The following STXBP5L variants were observed in gnomAD, a reference collection of about 807,000 sequenced individuals.
STXBP5L encodes the protein syntaxin-binding protein 5-like.
STXBP5L carries 65 observed loss-of-function variants against 144.5 expected under a neutral mutation model. The observed-to-expected ratio is 0.45, with a 90% confidence interval of 0.37 to 0.55. STXBP5L has a LOEUF of 0.55. Among genes scored for constraint, STXBP5L ranks in the 20% least tolerant of loss-of-function variants. The pLI, the probability that STXBP5L is intolerant of heterozygous loss-of-function variation, is 0.00. For missense variants in STXBP5L, 1,298 were observed against 1,405.5 expected (o/e 0.92, Z 1.22); for synonymous variants, 505 against 469.6 (o/e 1.08, Z -0.97).
rs72968066 is a variant in STXBP5L at position 121,300,715 on chromosome 3, G to A, written c.2111-17760G>A. ...TTATTTTCTCAAAAGACAGAAAAGA[G>A]TAACAGTAAACAAACAAAAAAAAGA... On this transcript the variant is annotated intron_variant, in intron 19 of 26. Transcript: ENST00000471454. Among the ~76,000 whole-genome samples, 1,251 of 151,728 alleles carry A rather than the reference G, an allele frequency of 8.2e-3. 11 individuals carry two copies. Among genetic ancestry groups the A allele is most frequent in the African/African-American group, 0.029 (1,206 of 41,392 alleles).
intron 20 of STXBP5L, among the ~76,000 whole-genome samples, chr3:121,361,473 T>C (rs1269402034): frequency 6.6e-6 from 1 of 152,104 alleles, no homozygotes; most frequent in Non-Finnish European, 1.5e-5. Flanking sequence ...TGCTTCATTC[T>C]TTTTTATTCT....
intron 2 of STXBP5L, among the ~76,000 whole-genome samples, chr3:120,913,817 T>C (rs1708974465): frequency 6.6e-6 from 1 of 152,072 alleles, no homozygotes; most frequent in African/African-American, 2.4e-5. Flanking sequence ...CTGTATCATC[T>C]ATGTATAGAA....
At chr3:121,291,627 T>C (rs932836862) in intron 19 of STXBP5L, among the ~76,000 whole-genome samples, 7 of 152,134 alleles carry the variant, frequency 4.6e-5, no homozygotes, top group Admixed American at 6.6e-5. Flanking sequence ...AGAAAAAATC[T>C]GGAGGCATCA....
At chr3:121,082,705 T>C (rs2042309400) in intron 5 of STXBP5L, among the ~76,000 whole-genome samples, 1 of 152,224 alleles carries the variant, frequency 6.6e-6, no homozygotes, top group Admixed American at 6.5e-5. Flanking sequence ...AATCCTGTTT[T>C]TGAGGTTTAT....
chr3:121,418,301 C>T, intron 25 of STXBP5L, 36 bp from the exon 26 acceptor site: 1 of 1,582,992 alleles, frequency 6.3e-7, no homozygotes, highest in South Asian at 1.2e-5. Flanking sequence ...GAATTACTGA[C>T]AAAATGTTTT....
chr3:121,077,639 C>A (rs1165147486), intron 5 of STXBP5L, among the ~76,000 whole-genome samples: 2 of 152,148 alleles, frequency 1.3e-5, no homozygotes, highest in Non-Finnish European at 2.9e-5. Context: ...ACTGGCCCCA[C>A]CCACATCCTG....
At chr3:121,136,540 C>A (rs959743151) in intron 7 of STXBP5L, among the ~76,000 whole-genome samples, 1 of 152,202 alleles carries the variant, frequency 6.6e-6, no homozygotes, top group African/African-American at 2.4e-5. Flanking sequence ...CATCTCACAC[C>A]AGTGAGAATG....
chr3:121,312,535 T>C (rs1268356224), intron 19 of STXBP5L, among the ~76,000 whole-genome samples: 1 of 129,162 alleles, frequency 7.7e-6, no homozygotes, highest in Non-Finnish European at 1.6e-5. Context: ...CATAGGACAA[T>C]AGTGGAGGGA....
At chr3:121,279,422 C>A (rs2050981593) in intron 18 of STXBP5L, among the ~76,000 whole-genome samples, 1 of 151,852 alleles carries the variant, frequency 6.6e-6, no homozygotes, top group African/African-American at 2.4e-5. Flanking sequence ...AAAAAGGCAT[C>A]TAATTACATA....
At chr3:121,214,431 GA>G (rs1216852756) in intron 10 of STXBP5L, among the ~76,000 whole-genome samples, 1 of 152,074 alleles carries the variant, frequency 6.6e-6, no homozygotes, top group African/African-American at 2.4e-5. Flanking sequence ...TGGTTTCAAG[GA>G]AATTATTTAT....
intron 7 of STXBP5L, among the ~76,000 whole-genome samples, chr3:121,126,982 A>G (rs952753387): frequency 1.3e-5 from 2 of 152,272 alleles, no homozygotes; most frequent in Middle Eastern, 3.4e-3. Context: ...CTTCACTTTT[A>G]TAAAATATTT....
At chr3:121,021,128 T>C (rs1287882608) in intron 3 of STXBP5L, among the ~76,000 whole-genome samples, 1 of 151,846 alleles carries the variant, frequency 6.6e-6, no homozygotes, top group African/African-American at 2.4e-5. Flanking sequence ...TATTTTTTAA[T>C]ATCAGACAAA....
rs1210170957 is a variant in STXBP5L at position 121,378,758 on chromosome 3, G to A, written c.2219G>A (p.Cys740Tyr). The A allele has an allele frequency of 1.6e-5, 26 of 1,613,556 alleles. No individual in the cohort carries two copies. Among genetic ancestry groups the A allele is most frequent in the Non-Finnish European group, 2.0e-5 (24 of 1,179,804 alleles). Residue 740 changes from cysteine to tyrosine, a missense_variant, in exon 21 of 27, where the codon TGC becomes TAC. Transcript: ENST00000471454. The stretch of plus-strand genomic sequence containing the variant: ...TGCACAAGTCCAACTTCTCAGAGTT[G>A]CAGTTCTGGAAAACGTCTTTCTAGT... Reference protein sequence around the residue: ...GHCTSPTSQSCSSGKRLSSAD... With the variant: ...GHCTSPTSQSYSSGKRLSSAD...
At chr3:121,267,922 G>A (rs1389133274) in intron 18 of STXBP5L, among the ~76,000 whole-genome samples, 3 of 152,184 alleles carry the variant, frequency 2.0e-5, no homozygotes, top group African/African-American at 7.2e-5. Context: ...TGCTGGAGAG[G>A]ATTTGGAGAA....
intron 5 of STXBP5L, among the ~76,000 whole-genome samples, chr3:121,067,101 C>T (rs2041586276): frequency 6.6e-6 from 1 of 151,562 alleles, no homozygotes; most frequent in Admixed American, 6.6e-5. Context: ...ATCATTTTTT[C>T]AGTATTTTCA....
At chr3:121,174,546 G>C (rs557092463) in intron 9 of STXBP5L, among the ~76,000 whole-genome samples, 7 of 152,250 alleles carry the variant, frequency 4.6e-5, no homozygotes, top group Admixed American at 3.9e-4. Context: ...GTGCCAATTT[G>C]GGAGAAACAA....
chr3:121,193,814 G>A (rs2047805782), intron 9 of STXBP5L, among the ~76,000 whole-genome samples: 1 of 152,036 alleles, frequency 6.6e-6, no homozygotes, highest in African/African-American at 2.4e-5. Flanking sequence ...CATGCATGGG[G>A]GCCTGTCATG....
intron 12 of STXBP5L, 39 bp from the exon 13 acceptor site, chr3:121,238,932 T>G (rs2049574248): frequency 4.1e-6 from 6 of 1,472,358 alleles, no homozygotes; most frequent in Non-Finnish European, 5.5e-6. Flanking sequence ...TGTTTTTTTC[T>G]TTGTAAAATA....
At chr3:121,083,665 G>GA (rs149565469) in intron 5 of STXBP5L, among the ~76,000 whole-genome samples, 19,765 of 146,280 alleles carry the variant, frequency 0.14, 1,297 homozygotes, top group Non-Finnish European at 0.16. Context: ...TCTGTCTCAA[G>GA]AAAAAAAAAA....
Sources: gnomAD v4.1 joint callset for allele counts (sites outside exome capture counted in the v4.1 genomes callset) on GRCh38, gnomAD v4.1.1 for gene constraint, MANE v1.5 for transcripts, NCBI Gene and HGNC (gene_info 2026-07-23, HGNC 2026-07-21) for gene names.